Variants in TMEM74 observed in about 807,000 individuals in gnomAD.
The protein encoded by TMEM74 is transmembrane protein 74.
TMEM74 carries 13 observed loss-of-function variants against 18.1 expected under a neutral mutation model. The observed-to-expected ratio is 0.72, with a 90% confidence interval of 0.47 to 1.14. The LOEUF is 1.14. TMEM74 is among the 50% of genes most tolerant of loss of function. The pLI is 0.00. For missense variants in TMEM74, 372 were observed against 375.9 expected, an observed-to-expected ratio of 0.99 and a Z score of 0.09; for synonymous variants, 159 against 146.6, an observed-to-expected ratio of 1.08 and a Z score of -0.61.
intron 1 of TMEM74, among the ~76,000 whole-genome samples, chr8:108,707,461 T>C (rs958257072): frequency 1.3e-5 from 2 of 152,214 alleles, no homozygotes; most frequent in African/African-American, 4.8e-5. Flanking sequence ...TGTTTTAAAG[T>C]TTACATGATC....
At chr8:108,670,281 T>C (rs1372415161) in intron 1 of TMEM74, among the ~76,000 whole-genome samples, 1 of 152,182 alleles carries the variant, frequency 6.6e-6, no homozygotes, top group Non-Finnish European at 1.5e-5. Flanking sequence ...TAGTGCTGTG[T>C]TCAATATTTT....
intron 1 of TMEM74, among the ~76,000 whole-genome samples, chr8:108,658,001 C>T (rs559511496): frequency 2.7e-5 from 4 of 148,508 alleles, no homozygotes; most frequent in South Asian, 4.3e-4. Flanking sequence ...GTCTGGTAGA[C>T]ACTAAGACCA....
chr8:108,683,699 A>C (rs1271046298), intron 1 of TMEM74, among the ~76,000 whole-genome samples: 1 of 151,966 alleles, frequency 6.6e-6, no homozygotes, highest in Non-Finnish European at 1.5e-5. Flanking sequence ...CCATCATCTC[A>C]AACATTTATT....
chr8:108,634,601 C>T lies in TMEM74; in HGVS notation n.264+20692G>A, dbSNP rs116108024. Among the ~76,000 whole-genome samples the T allele has an allele frequency of 3.6e-3, 545 of 152,070 alleles. 4 individuals are homozygous for T. The highest frequency in any genetic ancestry group is 0.012 in the African/African-American group (512 of 41,514). ...GTTCATGGATGGGCTCTCCATTTCC[C>T]TCCTTTACTCTGGCAATGTGGCTGA... On this transcript the variant is annotated intron_variant and non_coding_transcript_variant, in intron 2 of 3. Coordinates refer to the TMEM74 transcript ENST00000518838.
intron 2 of TMEM74, among the ~76,000 whole-genome samples, chr8:108,649,083 C>T (rs936519714): frequency 4.6e-5 from 7 of 152,132 alleles, no homozygotes; most frequent in African/African-American, 1.4e-4. Context: ...TCATCCAGTA[C>T]AACCTGGTTG....
chr8:108,756,464 T>C (rs1813960653), intron 1 of TMEM74, among the ~76,000 whole-genome samples: 1 of 150,354 alleles, frequency 6.7e-6, no homozygotes, highest in Non-Finnish European at 1.5e-5. Context: ...TTAGCTCACC[T>C]TAGGTCAAAT....
At chr8:108,619,112 G>A (rs1248639002) in intron 2 of TMEM74, among the ~76,000 whole-genome samples, 1 of 152,112 alleles carries the variant, frequency 6.6e-6, no homozygotes, top group Non-Finnish European at 1.5e-5. Flanking sequence ...AAGCCTATAG[G>A]TGAGGAAATT....
At chr8:108,623,776 T>C (rs942904905) in intron 2 of TMEM74, among the ~76,000 whole-genome samples, 1 of 152,002 alleles carries the variant, frequency 6.6e-6, no homozygotes, top group African/African-American at 2.4e-5. Flanking sequence ...TCCCCTGGAT[T>C]TTTCTCTCAT....
intron 1 of TMEM74, among the ~76,000 whole-genome samples, chr8:108,715,288 G>C (rs1813512515): frequency 6.6e-6 from 1 of 151,852 alleles, no homozygotes; most frequent in Non-Finnish European, 1.5e-5. Flanking sequence ...GGAGGAGGGA[G>C]GCGAGGGCTA....
chr8:108,670,763 C>T (rs531351840), intron 1 of TMEM74, among the ~76,000 whole-genome samples: 23 of 151,680 alleles, frequency 1.5e-4, no homozygotes, highest in Non-Finnish European at 2.8e-4. Context: ...CCATGTTCAC[C>T]GTAATATTAG....
chr8:108,730,928 C>T (rs1159065710), intron 1 of TMEM74, among the ~76,000 whole-genome samples: 1 of 152,146 alleles, frequency 6.6e-6, no homozygotes, highest in Non-Finnish European at 1.5e-5. Context: ...CCGCGCCCTG[C>T]CACCATGTGT....
intron 3 of TMEM74, among the ~76,000 whole-genome samples, chr8:108,608,298 CAAAAAAAA>C (rs374774953): frequency 1.4e-5 from 1 of 72,596 alleles, no homozygotes; most frequent in African/African-American, 5.4e-5. Context: ...AAGACTCTGT[CAAAAAAAA>C]AAAAAAAAGA....
At chr8:108,612,708 A>G (rs1022701085) in intron 2 of TMEM74, among the ~76,000 whole-genome samples, 3 of 152,230 alleles carry the variant, frequency 2.0e-5, no homozygotes, top group Non-Finnish European at 4.4e-5. Context: ...AAAGAGCATT[A>G]GAGAAGGTGG....
intron 1 of TMEM74, among the ~76,000 whole-genome samples, chr8:108,700,638 A>G (rs79608571): frequency 0.021 from 3,253 of 152,258 alleles, 54 homozygotes; most frequent in Non-Finnish European, 0.03. Context: ...GGAGAGAAAA[A>G]TAAGTATTTC....
chr8:108,785,775 C>T (rs1814377522), intron 1 of TMEM74, among the ~76,000 whole-genome samples: 1 of 152,194 alleles, frequency 6.6e-6, no homozygotes, highest in Admixed American at 6.5e-5. Flanking sequence ...ACACCTCATA[C>T]ATCCAATGAC....
At chr8:108,773,591 C>T (rs1051295559) in intron 1 of TMEM74, among the ~76,000 whole-genome samples, 1 of 152,080 alleles carries the variant, frequency 6.6e-6, no homozygotes, top group African/African-American at 2.4e-5. Flanking sequence ...GTGGAAGTGA[C>T]AGTGTTTGAC....
At chr8:108,700,128 A>AGGG (rs1813320654) in intron 1 of TMEM74, among the ~76,000 whole-genome samples, 1 of 86,086 alleles carries the variant, frequency 1.2e-5, no homozygotes, top group African/African-American at 5.1e-5. Context: ...TAGGCCATAA[A>AGGG]TGGTGTGTGT....
chr8:108,774,741 C>T (rs1814209198), downstream of TMEM74, among the ~76,000 whole-genome samples: 1 of 149,844 alleles, frequency 6.7e-6, no homozygotes, highest in South Asian at 2.1e-4. Flanking sequence ...GTGCCATAGT[C>T]TCTCCCTTCC....
At chr8:108,641,225 G>A (rs1392476417) in intron 2 of TMEM74, among the ~76,000 whole-genome samples, 1 of 152,080 alleles carries the variant, frequency 6.6e-6, no homozygotes, top group Admixed American at 6.5e-5. Context: ...GGAAATCTGA[G>A]TGCTATTCAA....
Sources: allele counts gnomAD v4.1 joint callset (sites outside exome capture counted in the v4.1 genomes callset), GRCh38; gene constraint gnomAD v4.1.1; transcripts MANE v1.5; gene names NCBI Gene and HGNC (gene_info 2026-07-23, HGNC 2026-07-21).